Variants in CAV1 observed in about 807,000 individuals in gnomAD.
CAV1 encodes caveolin-1.
CAV1 carries 10 observed loss-of-function variants against 16.5 expected under a neutral mutation model. The ratio of observed to expected loss-of-function variants is 0.61; its 90% confidence interval spans 0.37 to 1.03. The LOEUF (loss-of-function observed/expected upper bound fraction) is 1.03. Among genes scored for constraint, CAV1 ranks in the 50% least tolerant of loss-of-function variants. The pLI is 0.01. For synonymous variants in CAV1, 76 were observed against 85.1 expected (o/e 0.89, Z 0.59); for missense variants, 212 against 232.8 (o/e 0.91, Z 0.58).
intron 2 of CAV1, among the ~76,000 whole-genome samples, chr7:116,544,120 C>A (rs886338477): frequency 6.6e-6 from 1 of 152,178 alleles, no homozygotes; most frequent in African/African-American, 2.4e-5. Context: ...ATGCCAAAAT[C>A]TGTAGGTTTT....
chr7:116,534,185 T>A (rs1311974226), intron 2 of CAV1, among the ~76,000 whole-genome samples: 3 of 151,022 alleles, frequency 2.0e-5, no homozygotes, highest in East Asian at 3.9e-4. Flanking sequence ...GCCACTGAAC[T>A]CCAGCCTGGG....
intron 2 of CAV1, among the ~76,000 whole-genome samples, chr7:116,527,541 A>G (rs4730748): frequency 0.17 from 26,048 of 152,216 alleles, 2,436 homozygotes; most frequent in Middle Eastern, 0.23. Flanking sequence ...GTTTTAAATT[A>G]TCATTGTTAT....
intron 1 of CAV1, chr7:116,526,168 AGGTCCTGCG>A: frequency 1.8e-6 from 1 of 543,266 alleles, no homozygotes; most frequent in Non-Finnish European, 2.4e-6. Context: ...CTCGCCGCCG[AGGTCCTGCG>A]GGTCCTGCGG....
At chr7:116,543,622 T>A (rs1010466482) in intron 2 of CAV1, among the ~76,000 whole-genome samples, 9 of 152,176 alleles carry the variant, frequency 5.9e-5, no homozygotes, top group African/African-American at 2.2e-4. Context: ...TTTGTTTTGT[T>A]TTTTTGTTTT....
intron 2 of CAV1, among the ~76,000 whole-genome samples, chr7:116,531,350 A>C (rs1793682535): frequency 6.6e-6 from 1 of 152,242 alleles, no homozygotes; most frequent in African/African-American, 2.4e-5. Context: ...TTGCTTTTCT[A>C]AAATTGGAAT....
intron 1 of CAV1, chr7:116,526,321 C>A: frequency 1.4e-6 from 2 of 1,423,480 alleles, no homozygotes; most frequent in Admixed American, 4.6e-5. Flanking sequence ...GTGTCCTCTG[C>A]GAGATCCTCT....
In CAV1 at chr7:116,533,588, A is replaced by T. The variant is rs151261917; in HGVS notation, c.195+6899A>T. ...CTCAAGCAACTCCTGAGTAACTGGGACCACAGGGATGTGCCACAATTCCCG... is the reference window on the plus strand; with the variant it reads ...CTCAAGCAACTCCTGAGTAACTGGGTCCACAGGGATGTGCCACAATTCCCG... On this transcript the variant is annotated intron_variant, in intron 2 of 2. Transcript: ENST00000341049. Among the ~76,000 whole-genome samples the T allele has an allele frequency of 6.3e-3, 955 of 152,188 alleles. 9 individuals carry two copies. The highest frequency in any genetic ancestry group is 0.022 in the African/African-American group (916 of 41,542).
intron 2 of CAV1, among the ~76,000 whole-genome samples, chr7:116,527,974 AAAAGC>A (rs542804754): frequency 5.7e-4 from 87 of 152,342 alleles, no homozygotes; most frequent in African/African-American, 2.0e-3. Flanking sequence ...TGGAATATTT[AAAAGC>A]AACAGCAACA....
At chr7:116,548,018 A>G (rs1562835118) in intron 2 of CAV1, among the ~76,000 whole-genome samples, 1 of 152,320 alleles carries the variant, frequency 6.6e-6, no homozygotes, top group East Asian at 1.9e-4. Context: ...GTAATCGATT[A>G]TCACACTCAC....
intron 2 of CAV1, among the ~76,000 whole-genome samples, chr7:116,547,060 C>T (rs567741259): frequency 6.6e-6 from 1 of 152,222 alleles, no homozygotes; most frequent in South Asian, 2.1e-4. Flanking sequence ...TGGCCTTCTG[C>T]CTGAGTGTTT....
At chr7:116,537,882 C>T (rs181175600) in intron 2 of CAV1, among the ~76,000 whole-genome samples, 77 of 152,170 alleles carry the variant, frequency 5.1e-4, no homozygotes, top group African/African-American at 1.5e-3. Context: ...GTACACAGGG[C>T]AGGTGTGGCC....
At chr7:116,544,378 C>G (rs1794000263) in intron 2 of CAV1, among the ~76,000 whole-genome samples, 1 of 152,082 alleles carries the variant, frequency 6.6e-6, no homozygotes, top group Admixed American at 6.6e-5. Flanking sequence ...CTAATTCATT[C>G]ATTTATTCAA....
intron 2 of CAV1, among the ~76,000 whole-genome samples, chr7:116,546,903 C>T (rs910814094): frequency 1.3e-5 from 2 of 151,990 alleles, no homozygotes; most frequent in Admixed American, 6.6e-5. Flanking sequence ...GCTAGAGGTC[C>T]AAAATCAAGG....
rs1398853615 is a variant in CAV1 at position 116,557,194 on chromosome 7, G to A, written c.196-1752G>A. 7.9e-5 allele frequency among the ~76,000 whole-genome samples: 12 copies of A among 152,176 alleles called. No individual in the cohort carries two copies. In the South Asian group the frequency reaches 1.9e-3, roughly 24 times the overall value. Reference sequence around the variant, plus strand: ...TCACTTACATAATTGTGGCCATGCCGTTTTTTTCACATTACATTATTAGAA... The same window carrying A: ...TCACTTACATAATTGTGGCCATGCCATTTTTTTCACATTACATTATTAGAA... On this transcript the variant is annotated intron_variant, in intron 2 of 2. Coordinates refer to ENST00000341049, the MANE Select transcript of CAV1 (RefSeq NM_001753.5).
rs556565826 is a variant in CAV1 at position 116,561,131 on chromosome 7, G to A, written c.*1844G>A. 59 of 152,572 alleles carry A rather than the reference G, an allele frequency of 3.9e-4. No homozygotes were observed. Among genetic ancestry groups the A allele is most frequent in the African/African-American group, 1.2e-3 (51 of 41,520 alleles). The allele number at this position is 152,572 out of a possible 1,614,324, so 9.5% of individuals were successfully genotyped here. The stretch of plus-strand genomic sequence containing the variant: ...TATTTTACAATTTTTTATCATGCAT[G>A]TCCTGTAAAGGTTACAAGCCTGCAC... On this transcript the variant is annotated 3_prime_UTR_variant, in exon 3 of 3. Coordinates refer to ENST00000341049, the MANE Select transcript of CAV1 (RefSeq NM_001753.5).
At chr7:116,538,550 G>A (rs558770135) in intron 2 of CAV1, among the ~76,000 whole-genome samples, 181 of 152,258 alleles carry the variant, frequency 1.2e-3, no homozygotes, top group Non-Finnish European at 2.2e-3. Flanking sequence ...TTGAGAGCGA[G>A]GCTTTTTAGT....
chr7:116,533,609 T>C (rs1400823645), intron 2 of CAV1, among the ~76,000 whole-genome samples: 1 of 152,058 alleles, frequency 6.6e-6, no homozygotes, highest in Admixed American at 6.5e-5. Flanking sequence ...GTGCCACAAT[T>C]CCCGGCTAAT....
chr7:116,550,795 T>C (rs1233447481), intron 2 of CAV1, among the ~76,000 whole-genome samples: 1 of 152,158 alleles, frequency 6.6e-6, no homozygotes, highest in African/African-American at 2.4e-5. Context: ...TTACATAGGG[T>C]TCAGAATAAT....
At chr7:116,545,945 A>G (rs1794036481) in intron 2 of CAV1, among the ~76,000 whole-genome samples, 1 of 152,232 alleles carries the variant, frequency 6.6e-6, no homozygotes, top group Admixed American at 6.5e-5. Flanking sequence ...TGGATAAAAT[A>G]AGATTTTCAT....
Sources: allele counts gnomAD v4.1 joint callset (sites outside exome capture counted in the v4.1 genomes callset), GRCh38; gene constraint gnomAD v4.1.1; transcripts MANE v1.5; gene names NCBI Gene and HGNC (gene_info 2026-07-23, HGNC 2026-07-21).